ZFYVE16: variants seen among roughly 807,000 people sequenced by gnomAD.
The protein encoded by ZFYVE16 is zinc finger FYVE domain-containing protein 16.
Under a neutral mutation model 138.1 loss-of-function variants are expected in ZFYVE16, and 89 were observed. The observed-to-expected ratio is 0.64, with a 90% CI of 0.54 to 0.77. The LOEUF is 0.77. Among genes scored for constraint, ZFYVE16 ranks in the 30% least tolerant of loss-of-function variants. The pLI is 0.00. For synonymous variants in ZFYVE16, 596 were observed against 618.3 expected (o/e 0.96, Z 0.53); for missense variants, 1,793 against 1,786.7 (o/e 1.00, Z -0.06).
intron 2 of ZFYVE16, among the ~76,000 whole-genome samples, chr5:80,428,381 C>G (rs868843939): frequency 6.6e-6 from 1 of 152,336 alleles, no homozygotes; most frequent in East Asian, 1.9e-4. Flanking sequence ...TCCAACAGAC[C>G]TGCAGCTGAG....
At chr5:80,434,961 A>G (rs1421931407) in intron 3 of ZFYVE16, among the ~76,000 whole-genome samples, 5 of 152,088 alleles carry the variant, frequency 3.3e-5, no homozygotes, top group Admixed American at 1.3e-4. Flanking sequence ...TCCCGGGTTC[A>G]AGCACTTCTT....
intron 1 of ZFYVE16, among the ~76,000 whole-genome samples, chr5:80,413,869 ATAGTT>A (rs774759427): frequency 2.1e-3 from 313 of 152,308 alleles, no homozygotes; most frequent in Non-Finnish European, 3.5e-3. Context: ...GATTTGAAGT[ATAGTT>A]TACTCATTTC....
upstream of ZFYVE16, chr5:80,407,977 T>C (rs1277102930): frequency 1.3e-5 from 2 of 152,280 alleles, no homozygotes; most frequent in African/African-American, 4.8e-5. Flanking sequence ...AGGGGGCGTG[T>C]GAGCCGAAGA....
chr5:80,419,871 G>GCACAA (rs1746834533), intron 1 of ZFYVE16, among the ~76,000 whole-genome samples: 1 of 151,916 alleles, frequency 6.6e-6, no homozygotes, highest in African/African-American at 2.4e-5. Flanking sequence ...GAGTGCAGTG[G>GCACAA]TGTGATCTTG....
intron 2 of ZFYVE16, 125 bp from the exon 3 acceptor site, chr5:80,433,984 T>G: frequency 1.6e-6 from 1 of 637,844 alleles, no homozygotes; most frequent in Non-Finnish European, 2.6e-6. Context: ...TGTATATTCC[T>G]TAAAGCAGCA....
chr5:80,450,654 T>G, intron 10 of ZFYVE16, 68 bp downstream of exon 10: 1 of 1,487,210 alleles, frequency 6.7e-7, no homozygotes, highest in Non-Finnish European at 9.1e-7. Flanking sequence ...ATTTATGGTT[T>G]TGGCTGTGCT....
intron 18 of ZFYVE16, 34 bp from the exon 19 acceptor site, chr5:80,477,185 T>C (rs780239404): frequency 2.8e-5 from 44 of 1,550,258 alleles, no homozygotes; most frequent in Non-Finnish European, 3.5e-5. Flanking sequence ...ACAAGATTGC[T>C]CATTTTCTTA....
Position 80,451,668 on chromosome 5 carries a change from T to C in ZFYVE16, c.3566T>C (p.Phe1189Ser). 6.2e-7 allele frequency: 1 copy of C among 1,613,942 alleles called. No homozygotes were observed. Among genetic ancestry groups the C allele is most frequent in the Non-Finnish European group, 8.5e-7 (1 of 1,179,922 alleles). Residue 1189 changes from phenylalanine (F) to serine (S), a missense_variant, in exon 11 of 19, where the codon TTT becomes TCT. Transcript: ENST00000505560. ...QKLEIPWAKV[F>S]PMRLMLRLGA... ...CTTGAGATTCCCTGGGCAAAGGTTT[T>C]TCCTATGCGTTTAATGTTGAGATTG...
intron 2 of ZFYVE16, among the ~76,000 whole-genome samples, chr5:80,432,862 C>T (rs904588437): frequency 6.6e-5 from 10 of 152,162 alleles, no homozygotes; most frequent in Non-Finnish European, 7.4e-5. Flanking sequence ...CACTGGCCAT[C>T]AGAGAAATGC....
chr5:80,424,681 C>T (rs957618340), intron 1 of ZFYVE16, among the ~76,000 whole-genome samples: 9 of 152,084 alleles, frequency 5.9e-5, no homozygotes, highest in Admixed American at 1.3e-4. Context: ...AGGCTGGTCT[C>T]GAACTCCTGA....
At chr5:80,449,339 T>C (rs1751734126) in intron 8 of ZFYVE16, among the ~76,000 whole-genome samples, 1 of 152,186 alleles carries the variant, frequency 6.6e-6, no homozygotes, top group African/African-American at 2.4e-5. Context: ...TAAAATTATA[T>C]ACATTTGCTG....
At chr5:80,450,384 G>T in intron 9 of ZFYVE16, 47 bp from the exon 10 acceptor site, 1 of 1,563,932 alleles carries the variant, frequency 6.4e-7, no homozygotes, top group African/African-American at 1.4e-5. Flanking sequence ...TTAGTTTTTT[G>T]ACTAATAGAA....
intron 2 of ZFYVE16, among the ~76,000 whole-genome samples, chr5:80,432,590 T>A (rs1161097693): frequency 6.6e-6 from 1 of 152,118 alleles, no homozygotes. Flanking sequence ...ACAAATGGGA[T>A]CAGATTAAAC....
intron 1 of ZFYVE16, among the ~76,000 whole-genome samples, chr5:80,412,976 A>T (rs1170472581): frequency 6.6e-6 from 1 of 151,168 alleles, no homozygotes; most frequent in East Asian, 2.0e-4. Flanking sequence ...GGAGTTTGAG[A>T]CCATTCTGGG....
At chr5:80,408,046 C>T (rs1744845645), upstream of ZFYVE16, 1 of 152,298 alleles carries the variant, frequency 6.6e-6, no homozygotes, top group Non-Finnish European at 1.5e-5. Context: ...GGAAAGAAGC[C>T]CTGAGCCGGG....
chr5:80,434,349 T>G (rs1749563324), intron 3 of ZFYVE16, 132 bp downstream of exon 3: 2 of 793,516 alleles, frequency 2.5e-6, no homozygotes, highest in Non-Finnish European at 2.1e-6. Context: ...AAAAGTTCAT[T>G]TATTTCATAA....
intron 14 of ZFYVE16, among the ~76,000 whole-genome samples, chr5:80,457,745 AG>A (rs1752666216): frequency 6.6e-6 from 1 of 152,050 alleles, no homozygotes; most frequent in Admixed American, 6.6e-5. Context: ...GTAGTAAAAG[AG>A]GCCAGGCACA....
intron 11 of ZFYVE16, 47 bp downstream of exon 11, chr5:80,451,756 GAATGT>G: frequency 6.7e-7 from 1 of 1,488,298 alleles, no homozygotes; most frequent in Non-Finnish European, 9.2e-7. Context: ...CAAATATACT[GAATGT>G]AAAGACTTTC....
intron 1 of ZFYVE16, chr5:80,409,754 T>G (rs1388679929): frequency 2.6e-5 from 4 of 152,212 alleles, no homozygotes; most frequent in Admixed American, 6.5e-5. Flanking sequence ...GCGAGGATCT[T>G]ACAAGCCTGC....
Sources: allele counts gnomAD v4.1 joint callset (sites outside exome capture counted in the v4.1 genomes callset), GRCh38; gene constraint gnomAD v4.1.1; transcripts MANE v1.5; gene names NCBI Gene and HGNC (gene_info 2026-07-23, HGNC 2026-07-21).